EXPH5: variants seen among roughly 807,000 people sequenced by gnomAD.
EXPH5 encodes the protein exophilin 5, also known as exophilin-5.
In EXPH5, 42 loss-of-function variants were observed where a neutral mutation model predicts 41.1. That is an observed-to-expected ratio of 1.02 (90% confidence interval 0.80 to 1.32). The LOEUF is 1.32. EXPH5 is among the 40% of genes most tolerant of loss of function. The probability of loss-of-function intolerance (pLI) is 0.00; values close to 1 mark genes in which losing one functional copy is unlikely to be tolerated. For synonymous variants in EXPH5, 798 were observed against 833.5 expected, an observed-to-expected ratio of 0.96 and a Z score of 0.73; for missense variants, 2,298 against 2,314.5, an observed-to-expected ratio of 0.99 and a Z score of 0.15.
chr11:108,593,874 C>T, upstream of EXPH5: 3 of 814,262 alleles, frequency 3.7e-6, no homozygotes, highest in Non-Finnish European at 3.9e-6. Context: ...TCGTCCCCTC[C>T]CTCGTCCCCT....
chr11:108,518,998 T>C (rs945494547), intron 4 of EXPH5, among the ~76,000 whole-genome samples: 1 of 152,192 alleles, frequency 6.6e-6, no homozygotes, highest in African/African-American at 2.4e-5. Context: ...ACCCCTTGTT[T>C]AGCATAATAC....
chr11:108,551,501 G>A (rs1565817050), intron 1 of EXPH5, among the ~76,000 whole-genome samples: 2 of 152,106 alleles, frequency 1.3e-5, no homozygotes, highest in Non-Finnish European at 2.9e-5. Flanking sequence ...TCACTTCTCT[G>A]TTTATCTCCT....
upstream of EXPH5, among the ~76,000 whole-genome samples, chr11:108,595,439 C>A (rs1330150657): frequency 2.0e-5 from 3 of 152,112 alleles, no homozygotes; most frequent in East Asian, 5.8e-4. Flanking sequence ...CTATTCTAGG[C>A]AAGGGGATCA....
chr11:108,514,719 T>G lies in EXPH5; in HGVS notation c.788A>C (p.Tyr263Ser), dbSNP rs202087544. The G allele has an allele frequency of 5.0e-6, 8 of 1,609,072 alleles. No homozygotes were observed. The East Asian group carries it at 1.8e-4, about 36-fold the overall frequency. ...GNITERHKKHYNETSNMSIYD... is the reference protein window; with the variant it reads ...GNITERHKKHSNETSNMSIYD... Reference sequence around the variant, plus strand: ...GATAGACATATTGGAAGTTTCATTATAGTGTTTTTTGTGCCTTTCTGTGAT... The same window carrying G: ...GATAGACATATTGGAAGTTTCATTAGAGTGTTTTTTGTGCCTTTCTGTGAT... The change falls in exon 6 of 6, where the codon TAT becomes TCT. Residue 263 changes from tyrosine to serine, a missense_variant. Coordinates refer to ENST00000265843, the MANE Select transcript of EXPH5 (RefSeq NM_015065.3).
chr11:108,598,202 C>T (rs555049814), upstream of EXPH5, among the ~76,000 whole-genome samples: 5 of 152,256 alleles, frequency 3.3e-5, no homozygotes, highest in South Asian at 4.1e-4. Flanking sequence ...GAAGAACTTA[C>T]GTGTACAAAT....
At chr11:108,567,575 T>C (rs1337388224) in intron 1 of EXPH5, among the ~76,000 whole-genome samples, 1 of 152,206 alleles carries the variant, frequency 6.6e-6, no homozygotes, top group Non-Finnish European at 1.5e-5. Flanking sequence ...CCAAACAGAT[T>C]ATACATTTCT....
At position 108,509,752 on chromosome 11, in the gene EXPH5, G is replaced by A; in HGVS notation, c.5755C>T (p.Pro1919Ser). The change falls in exon 6 of 6, where the codon CCT (proline) becomes TCT (serine). Residue 1919 changes from proline to serine, a missense_variant. Transcript: ENST00000265843. Reference sequence around the variant, plus strand: ...CTCAAATCATCTTTTAGGAAGCCAGGGTTCTTAAGAAAACTTGGTTTCCAT... The same window carrying A: ...CTCAAATCATCTTTTAGGAAGCCAGAGTTCTTAAGAAAACTTGGTTTCCAT... Reference protein sequence around the residue: ...RLWKPSFLKNPGFLKDDLRNP... With the variant: ...RLWKPSFLKNSGFLKDDLRNP... 3 of 1,606,958 alleles carry A rather than the reference G, an allele frequency of 1.9e-6. No individual in the cohort carries two copies. The highest frequency in any genetic ancestry group is 1.7e-5 in the Admixed American group (1 of 58,176).
At chr11:108,518,173 A>G (rs755744501) in intron 5 of EXPH5, 62 bp downstream of exon 5, 37 of 1,454,428 alleles carry the variant, frequency 2.5e-5, no homozygotes, top group Non-Finnish European at 3.3e-5. Flanking sequence ...GATACAAACT[A>G]GTTATTGTTT....
intron 1 of EXPH5, among the ~76,000 whole-genome samples, chr11:108,562,197 G>C (rs1399399457): frequency 1.3e-5 from 2 of 151,238 alleles, no homozygotes; most frequent in Non-Finnish European, 2.9e-5. Context: ...CTCCAGCATT[G>C]ATTGGGACAG....
chr11:108,573,139 G>GGAGA (rs1417227019), intron 1 of EXPH5, among the ~76,000 whole-genome samples: 1 of 90,508 alleles, frequency 1.1e-5, no homozygotes, highest in East Asian at 3.1e-4. Flanking sequence ...AAGGAAAGAA[G>GGAGA]GAAAGAAAGA....
intron 1 of EXPH5, among the ~76,000 whole-genome samples, chr11:108,570,819 T>C (rs1046746092): frequency 1.3e-5 from 2 of 152,228 alleles, no homozygotes; most frequent in African/African-American, 4.8e-5. Flanking sequence ...GTGTTGGGAT[T>C]ACTGGCATGA....
intron 1 of EXPH5, among the ~76,000 whole-genome samples, chr11:108,592,527 G>A (rs1333397216): frequency 6.6e-6 from 1 of 152,210 alleles, no homozygotes; most frequent in Non-Finnish European, 1.5e-5. Context: ...CCCTTCCACA[G>A]TTATCTAGAG....
Position 108,512,555 on chromosome 11 carries a change from T to G in EXPH5, c.2952A>C (p.Glu984Asp). Residue 984 changes from glutamate to aspartate, a missense_variant, in exon 6 of 6, where the codon GAA becomes GAC. Coordinates refer to ENST00000265843, the MANE Select transcript of EXPH5 (RefSeq NM_015065.3). ...GKIRHHISCI[E>D]KLSKTESISV... Reference sequence around the variant, plus strand: ...ATATACTTTCTGTTTTGCTTAACTTTTCAATACAGGATATATGATGCCTTA... The same window carrying G: ...ATATACTTTCTGTTTTGCTTAACTTGTCAATACAGGATATATGATGCCTTA... 1 of 1,612,310 alleles carries G rather than the reference T, an allele frequency of 6.2e-7. No homozygotes were observed. The highest frequency in any genetic ancestry group is 8.5e-7 in the Non-Finnish European group (1 of 1,179,618).
At chr11:108,550,623 A>T (rs2093959550) in intron 1 of EXPH5, among the ~76,000 whole-genome samples, 1 of 152,026 alleles carries the variant, frequency 6.6e-6, no homozygotes, top group African/African-American at 2.4e-5. Flanking sequence ...TACTAAAAAT[A>T]TAAAAATTAG....
At chr11:108,535,678 T>C (rs2093875009) in intron 3 of EXPH5, among the ~76,000 whole-genome samples, 2 of 152,226 alleles carry the variant, frequency 1.3e-5, no homozygotes, top group Admixed American at 1.3e-4. Context: ...TTTACTTATG[T>C]AATCTAGAGG....
rs780889832 is a variant in EXPH5 at position 108,511,304 on chromosome 11, CT to C, written c.4202del (p.Gln1401ArgfsTer72). The C allele has an allele frequency of 6.3e-7, 1 of 1,599,260 alleles. No individual in the cohort carries two copies. Among genetic ancestry groups the C allele is most frequent in the South Asian group, 1.1e-5 (1 of 87,466 alleles). The part of the protein sequence containing the change: ...SETLHTSLML[Q>X]RKNVSEEKSE... Reference sequence around the variant, plus strand: ...ATTTTTCTTCGGATACATTTTTTCTCTGAAGCATCAATGAAGTATGCAGGGT... The same window carrying C: ...ATTTTTCTTCGGATACATTTTTTCTCGAAGCATCAATGAAGTATGCAGGGT... On this transcript the variant is annotated frameshift_variant, in exon 6 of 6. Transcript: ENST00000265843. LOFTEE classifies it low-confidence loss of function (END_TRUNC).
the EXPH5 span, among the ~76,000 whole-genome samples, chr11:108,602,362 C>T: frequency 6.6e-6 from 1 of 152,124 alleles, no homozygotes; most frequent in South Asian, 2.1e-4. Flanking sequence ...AGTTTAATTT[C>T]CTCCAAATTC....
At position 108,512,597 on chromosome 11, in the gene EXPH5, T is replaced by C. The variant is rs752275034; in HGVS notation, c.2910A>G (p.Glu970=). 1.9e-6 allele frequency: 3 copies of C among 1,612,620 alleles called. No individual in the cohort carries two copies. Among genetic ancestry groups the C allele is most frequent in the Non-Finnish European group, 2.5e-6 (3 of 1,179,700 alleles). ...GATGCCTTATTTTTCCTTTTCCTCT[T>C]TCATTCCTAAAAGGAGAGTGTGAAT... is the stretch of plus-strand genomic sequence containing the variant. ...KCHSHSPFRN[E]RGKGKIRHHI... Residue 970 remains glutamate, a synonymous_variant, in exon 6 of 6, where the codon GAA becomes GAG. Coordinates refer to ENST00000265843, the MANE Select transcript of EXPH5 (RefSeq NM_015065.3).
At chr11:108,562,208 G>A (rs2094014767) in intron 1 of EXPH5, among the ~76,000 whole-genome samples, 1 of 150,802 alleles carries the variant, frequency 6.6e-6, no homozygotes. Context: ...ATTGGGACAG[G>A]AAATTTCAAA....
Sources: gnomAD v4.1 joint callset for allele counts (sites outside exome capture counted in the v4.1 genomes callset) on GRCh38, gnomAD v4.1.1 for gene constraint, MANE v1.5 for transcripts, NCBI Gene and HGNC (gene_info 2026-07-23, HGNC 2026-07-21) for gene names.